Variants in B3GALT1 observed in about 807,000 individuals in gnomAD.
B3GALT1 encodes UDP-Gal:betaGlcNAc beta 1,3-galactosyltransferase, polypeptide 1.
In B3GALT1, 10 loss-of-function variants were observed where a neutral mutation model predicts 23.2. That is an observed-to-expected ratio of 0.43 (90% CI 0.27 to 0.73). The LOEUF (loss-of-function observed/expected upper bound fraction) is 0.73. B3GALT1 is among the 30% of genes least tolerant of loss of function. The probability of loss-of-function intolerance (pLI) is 0.21; values close to 1 mark genes in which losing one functional copy is unlikely to be tolerated. For synonymous variants in B3GALT1, 156 were observed against 141.5 expected, an observed-to-expected ratio of 1.10 and a Z score of -0.73; for missense variants, 299 against 405.4, an observed-to-expected ratio of 0.74 and a Z score of 2.25.
intron 3 of B3GALT1, among the ~76,000 whole-genome samples, chr2:167,705,923 A>G (rs979094236): frequency 8.5e-5 from 13 of 152,254 alleles, no homozygotes; most frequent in African/African-American, 2.9e-4. Flanking sequence ...GGACAGCACA[A>G]GTATAAAACA....
At chr2:167,317,784 G>C (rs1251355691) in intron 1 of B3GALT1, among the ~76,000 whole-genome samples, 2 of 152,076 alleles carry the variant, frequency 1.3e-5, no homozygotes, top group Non-Finnish European at 2.9e-5. Flanking sequence ...ACACATTGCA[G>C]AATTTAATCT....
chr2:167,861,891 G>A (rs1452280813), intron 4 of B3GALT1, among the ~76,000 whole-genome samples: 1 of 152,140 alleles, frequency 6.6e-6, no homozygotes, highest in Non-Finnish European at 1.5e-5. Flanking sequence ...GTAGTATTCA[G>A]TGCATCCTTC....
rs1265087354 is a variant in B3GALT1 at position 167,393,158 on chromosome 2, C to A, written c.-510-97019C>A. ...CTGAGGCAGGAGAATGGCGTGAACC[C>A]GGGAGGCGGAGCTTGCAGTGAGCCG... On this transcript the variant is annotated intron_variant, in intron 1 of 4. Transcript: ENST00000392690. Among the ~76,000 whole-genome samples the A allele has an allele frequency of 4.0e-5, 6 of 151,310 alleles. No individual in the cohort carries two copies. In the South Asian group the frequency reaches 1.3e-3, roughly 32 times the overall value.
intron 3 of B3GALT1, among the ~76,000 whole-genome samples, chr2:167,749,463 T>C (rs1687700006): frequency 6.6e-6 from 1 of 152,188 alleles, no homozygotes; most frequent in South Asian, 2.1e-4. Flanking sequence ...TGTCCTTGTA[T>C]TTCATAAGAG....
At chr2:167,792,025 A>G (rs999826090) in intron 3 of B3GALT1, among the ~76,000 whole-genome samples, 2 of 152,108 alleles carry the variant, frequency 1.3e-5, no homozygotes, top group Admixed American at 6.6e-5. Context: ...TTAAGAGGCC[A>G]TTTATCAATA....
At chr2:167,460,841 A>G (rs1699248960) in intron 1 of B3GALT1, among the ~76,000 whole-genome samples, 1 of 152,226 alleles carries the variant, frequency 6.6e-6, no homozygotes, top group Admixed American at 6.5e-5. Context: ...ACTGAAGTGT[A>G]AACTTAAGAT....
chr2:167,489,337 A>C (rs1176047037), intron 1 of B3GALT1, among the ~76,000 whole-genome samples: 1 of 152,220 alleles, frequency 6.6e-6, no homozygotes, highest in Non-Finnish European at 1.5e-5. Context: ...CAGGTATTCC[A>C]CTGAAAGTCT....
rs552727903 is a variant in B3GALT1, at chr2:167,657,695, C to G, written c.-352+10729C>G. Among the ~76,000 whole-genome samples the G allele has an allele frequency of 9.2e-5, 14 of 152,168 alleles. No individual in the cohort carries two copies. In the South Asian group the frequency reaches 1.5e-3, roughly 16 times the overall value. On this transcript the variant is annotated intron_variant, in intron 3 of 4. Coordinates refer to ENST00000392690, the MANE Select transcript of B3GALT1 (RefSeq NM_020981.4). ...TGGGCTGATAGTGATCAGTACCTAT[C>G]AATAGTGATAGGTACTGTGGTGTGT...
chr2:167,463,735 A>G (rs1017744132), intron 1 of B3GALT1, among the ~76,000 whole-genome samples: 3 of 152,242 alleles, frequency 2.0e-5, no homozygotes, highest in Admixed American at 6.5e-5. Flanking sequence ...AGTAAAAGAT[A>G]TGAAAATGCA....
intron 3 of B3GALT1, among the ~76,000 whole-genome samples, chr2:167,792,430 G>A (rs1688452834): frequency 6.6e-6 from 1 of 152,190 alleles, no homozygotes; most frequent in Non-Finnish European, 1.5e-5. Flanking sequence ...ACAAGTACTG[G>A]TAAAGTTACC....
chr2:167,350,927 T>G (rs1394718150), intron 1 of B3GALT1, among the ~76,000 whole-genome samples: 1 of 152,204 alleles, frequency 6.6e-6, no homozygotes. Flanking sequence ...CTTGGCTGCA[T>G]GCATATGTTA....
chr2:167,454,153 A>G (rs543059404), intron 1 of B3GALT1, among the ~76,000 whole-genome samples: 13 of 152,322 alleles, frequency 8.5e-5, no homozygotes, highest in East Asian at 1.9e-4. Flanking sequence ...TCTCTATACA[A>G]AAGTGCAGAT....
At chr2:167,406,120 A>G (rs1698270988) in intron 1 of B3GALT1, among the ~76,000 whole-genome samples, 1 of 152,174 alleles carries the variant, frequency 6.6e-6, no homozygotes, top group Non-Finnish European at 1.5e-5. Flanking sequence ...TGAAAAAACA[A>G]GTGTTTTGAC....
At chr2:167,594,522 C>A (rs984237882) in intron 2 of B3GALT1, among the ~76,000 whole-genome samples, 2 of 152,158 alleles carry the variant, frequency 1.3e-5, no homozygotes, top group African/African-American at 4.8e-5. Flanking sequence ...GCCCTGTCAA[C>A]AACATTTTTT....
At chr2:167,570,974 T>C (rs1684284329) in intron 2 of B3GALT1, among the ~76,000 whole-genome samples, 1 of 151,992 alleles carries the variant, frequency 6.6e-6, no homozygotes, top group African/African-American at 2.4e-5. Context: ...TTTTCGATTC[T>C]CATACATAAT....
At chr2:167,436,916 C>T (rs1344165720) in intron 1 of B3GALT1, among the ~76,000 whole-genome samples, 1 of 152,132 alleles carries the variant, frequency 6.6e-6, no homozygotes, top group Non-Finnish European at 1.5e-5. Flanking sequence ...TGACCATTTA[C>T]ACTATGCAGA....
At chr2:167,614,927 C>T (rs540179472) in intron 2 of B3GALT1, among the ~76,000 whole-genome samples, 97 of 151,832 alleles carry the variant, frequency 6.4e-4, no homozygotes, top group Non-Finnish European at 1.0e-3. Context: ...ATAGGTTACT[C>T]TTAAAAGAAG....
chr2:167,562,199 C>T (rs1422690734), intron 2 of B3GALT1, among the ~76,000 whole-genome samples: 1 of 152,110 alleles, frequency 6.6e-6, no homozygotes, highest in Non-Finnish European at 1.5e-5. Context: ...GAACCAAAGG[C>T]AAAAACCACA....
chr2:167,484,357 G>A (rs1389209374), intron 1 of B3GALT1, among the ~76,000 whole-genome samples: 1 of 152,144 alleles, frequency 6.6e-6, no homozygotes, highest in African/African-American at 2.4e-5. Context: ...AAATACGAGT[G>A]GCTAAGGCCC....
Sources: gnomAD v4.1 joint callset for allele counts (sites outside exome capture counted in the v4.1 genomes callset) on GRCh38, gnomAD v4.1.1 for gene constraint, MANE v1.5 for transcripts, NCBI Gene and HGNC (gene_info 2026-07-23, HGNC 2026-07-21) for gene names.